The following IRF8 variants were observed in gnomAD, a reference collection of about 807,000 sequenced individuals.
IRF8 encodes the protein interferon regulatory factor 8, also known as interferon consensus sequence binding protein 1.
IRF8 carries 14 observed loss-of-function variants against 48.7 expected under a neutral mutation model. The ratio of observed to expected loss-of-function variants is 0.29; its 90% CI spans 0.19 to 0.45. The LOEUF (loss-of-function observed/expected upper bound fraction) is 0.45, where lower values mean the gene tolerates loss of function less well. Ranked by LOEUF, IRF8 falls within the 20% of genes least tolerant of loss-of-function variation. The pLI is 1.00. For synonymous variants in IRF8, 278 were observed against 227.3 expected (o/e 1.22, Z -2.01); for missense variants, 493 against 580.7 (o/e 0.85, Z 1.55).
intron 2 of IRF8, 37 bp downstream of exon 2, chr16:85,903,226 G>A (rs1241977725): frequency 7.0e-6 from 11 of 1,572,234 alleles, no homozygotes; most frequent in Non-Finnish European, 9.6e-6. Flanking sequence ...TGTGGGCACA[G>A]TGTCTCCTTT....
intron 3 of IRF8, among the ~76,000 whole-genome samples, chr16:85,910,428 G>T (rs1228348570): frequency 6.6e-6 from 1 of 152,132 alleles, no homozygotes; most frequent in African/African-American, 2.4e-5. Context: ...TAATAGTCTG[G>T]GGTGACCCTG....
chr16:85,910,621 C>T (rs1192268901), intron 3 of IRF8, among the ~76,000 whole-genome samples: 1 of 152,136 alleles, frequency 6.6e-6, no homozygotes, highest in African/African-American at 2.4e-5. Context: ...GGGGTGCAGC[C>T]AGCATCACCT....
chr16:85,917,582 A>G (rs1423092844), intron 6 of IRF8, among the ~76,000 whole-genome samples: 3 of 152,254 alleles, frequency 2.0e-5, no homozygotes, highest in African/African-American at 7.2e-5. Context: ...GAATTGATTA[A>G]GATTGTATTT....
At chr16:85,920,999 C>G in intron 8 of IRF8, 107 bp from the exon 9 acceptor site, 1 of 1,106,112 alleles carries the variant, frequency 9.0e-7, no homozygotes, top group Non-Finnish European at 1.3e-6. Flanking sequence ...TCACTTGGGA[C>G]TCACGTGGCA....
intron 1 of IRF8, chr16:85,902,725 C>T (rs1451794617): frequency 6.5e-6 from 3 of 458,788 alleles, no homozygotes; most frequent in African/African-American, 6.0e-5. Context: ...AAGGAAAGGG[C>T]AGATGAAAGC....
Position 85,909,116 on chromosome 16 carries a change from C to G in IRF8, c.301C>G (p.Leu101Val), listed in dbSNP as rs573204404. 6.2e-7 allele frequency: 1 copy of G among 1,614,194 alleles called. No individual in the cohort carries two copies. The highest frequency in any genetic ancestry group is 1.1e-5 in the South Asian group (1 of 91,084). ...DFEEVTDRSQ[L>V]DISEPYKVYR... is the part of the protein sequence containing the mutation. ...TGAGGAAGTGACGGACCGGTCCCAA[C>G]TGGACATTTCCGAGCCATACAAAGT... is the stretch of plus-strand genomic sequence containing the variant. Residue 101 changes from leucine (L) to valine (V), a missense_variant, in exon 3 of 9, where the codon CTG (leucine) becomes GTG (valine). By Grantham distance (32) the Leu-to-Val change is conservative (BLOSUM62 1). Coordinates refer to ENST00000268638, the MANE Select transcript of IRF8 (RefSeq NM_002163.4).
intron 2 of IRF8, among the ~76,000 whole-genome samples, chr16:85,907,401 C>T (rs930206888): frequency 1.3e-5 from 2 of 152,242 alleles, no homozygotes; most frequent in African/African-American, 2.4e-5. Flanking sequence ...CTACCTGGGC[C>T]GGGCGCGGTG....
chr16:85,920,619 C>G (rs1416525770), intron 8 of IRF8, among the ~76,000 whole-genome samples: 1 of 152,168 alleles, frequency 6.6e-6, no homozygotes, highest in Non-Finnish European at 1.5e-5. Flanking sequence ...GAAGAGGACA[C>G]AAGGACAAGT....
chr16:85,899,817 A>T (rs1904769461), intron 1 of IRF8, among the ~76,000 whole-genome samples: 1 of 152,352 alleles, frequency 6.6e-6, no homozygotes, highest in Middle Eastern at 3.4e-3. Flanking sequence ...GTTTGAAAAA[A>T]TTTATTGAAA....
intron 1 of IRF8, among the ~76,000 whole-genome samples, chr16:85,899,542 C>A (rs545515771): frequency 6.6e-6 from 1 of 152,338 alleles, no homozygotes; most frequent in East Asian, 1.9e-4. Context: ...GCAATAGCAA[C>A]CCCCTATCTT....
chr16:85,914,157 A>G, intron 5 of IRF8: 1 of 423,376 alleles, frequency 2.4e-6, no homozygotes. Flanking sequence ...TATGCAGTCC[A>G]GTGGTATTCT....
chr16:85,910,467 A>G (rs1444512222), intron 3 of IRF8, among the ~76,000 whole-genome samples: 2 of 152,138 alleles, frequency 1.3e-5, no homozygotes, highest in Non-Finnish European at 2.9e-5. Flanking sequence ...TTTTTGCCTC[A>G]TTTCCCAGTT....
At chr16:85,904,812 C>CTTTTTTTT (rs1177860791) in intron 2 of IRF8, among the ~76,000 whole-genome samples, 3,573 of 87,324 alleles carry the variant, frequency 0.041, 432 homozygotes, top group African/African-American at 0.099. Flanking sequence ...GATTGCAGAT[C>CTTTTTTTT]TTTTTTTTTT....
intron 6 of IRF8, among the ~76,000 whole-genome samples, chr16:85,914,859 C>T (rs922175763): frequency 2.0e-5 from 3 of 150,674 alleles, no homozygotes; most frequent in Non-Finnish European, 4.4e-5. Flanking sequence ...CCAATTTCTC[C>T]TCCTCACCAT....
At chr16:85,903,696 G>A (rs185134408) in intron 2 of IRF8, among the ~76,000 whole-genome samples, 16 of 152,168 alleles carry the variant, frequency 1.1e-4, no homozygotes. Context: ...TCTAAAAATA[G>A]TCTCACCTCC....
At chr16:85,900,342 A>G (rs1904791080) in intron 1 of IRF8, among the ~76,000 whole-genome samples, 1 of 152,228 alleles carries the variant, frequency 6.6e-6, no homozygotes, top group Non-Finnish European at 1.5e-5. Context: ...GGCTTGGCCA[A>G]TAGATTACCT....
chr16:85,916,935 T>C (rs1222865513), intron 6 of IRF8, among the ~76,000 whole-genome samples: 2 of 152,120 alleles, frequency 1.3e-5, no homozygotes, highest in African/African-American at 4.8e-5. Context: ...TTTCCTGAAG[T>C]GTCAAATCAA....
At chr16:85,910,353 T>C (rs1905109148) in intron 3 of IRF8, among the ~76,000 whole-genome samples, 1 of 152,178 alleles carries the variant, frequency 6.6e-6, no homozygotes, top group Non-Finnish European at 1.5e-5. Flanking sequence ...CAATACTAAA[T>C]AGTAAGGCCA....
At chr16:85,918,094 G>C (rs1469537948) in intron 6 of IRF8, among the ~76,000 whole-genome samples, 3 of 152,150 alleles carry the variant, frequency 2.0e-5, no homozygotes, top group African/African-American at 7.2e-5. Context: ...TCGAAACATC[G>C]TTTGCCCTCA....
Sources: gnomAD v4.1 joint callset for allele counts (sites outside exome capture counted in the v4.1 genomes callset) on GRCh38, gnomAD v4.1.1 for gene constraint, MANE v1.5 for transcripts, NCBI Gene and HGNC (gene_info 2026-07-23, HGNC 2026-07-21) for gene names.